TUB: variants seen among roughly 807,000 people sequenced by gnomAD.
TUB encodes the protein tubby protein homolog.
A neutral mutation model predicts 59.7 loss-of-function variants in TUB; 33 were observed. That is an observed-to-expected ratio of 0.55 (90% CI 0.42 to 0.74). The LOEUF (loss-of-function observed/expected upper bound fraction) is 0.74. TUB is among the 30% of genes least tolerant of loss of function. TUB has a pLI of 0.00. For missense variants in TUB, 659 were observed against 672.0 expected (o/e 0.98, Z 0.21); for synonymous variants, 293 against 256.4 (o/e 1.14, Z -1.36).
chr11:8,056,843 T>C (rs997064558), intron 2 of TUB, among the ~76,000 whole-genome samples: 1 of 152,000 alleles, frequency 6.6e-6, no homozygotes, highest in Non-Finnish European at 1.5e-5. Flanking sequence ...ACATGGTGTG[T>C]CTCAAGTAAG....
intron 2 of TUB, among the ~76,000 whole-genome samples, chr11:8,072,303 G>A (rs986334726): frequency 2.6e-5 from 4 of 152,098 alleles, no homozygotes; most frequent in African/African-American, 9.7e-5. Flanking sequence ...AGGGGGAAGG[G>A]ACCCTCTCCC....
rs1298306821 is a variant in TUB at position 8,084,144 on chromosome 11, G to A, written c.38+2596G>A. 2.0e-5 allele frequency among the ~76,000 whole-genome samples: 3 copies of A among 152,222 alleles called. No individual in the cohort carries two copies. In the East Asian group the frequency reaches 5.8e-4, roughly 29 times the overall value. On this transcript the variant is annotated intron_variant, in intron 1 of 11. Coordinates refer to ENST00000299506, the MANE Select transcript of TUB (RefSeq NM_177972.3). The stretch of plus-strand genomic sequence containing the variant: ...ATGTGGCATTTGGTTTGGGAGAGAG[G>A]GGTTGGCTGGCTTCTTGCTGGTTCT...
chr11:8,046,057 G>A (rs796250203), intron 2 of TUB, among the ~76,000 whole-genome samples: 5 of 152,190 alleles, frequency 3.3e-5, no homozygotes, highest in Middle Eastern at 3.4e-3. Context: ...ACAGGCCTCC[G>A]AAGCACATTT....
Position 8,097,712 on chromosome 11 carries a change from A to G in TUB, c.886-2A>G. On this transcript the variant is annotated splice_acceptor_variant, in intron 7 of 11. Transcript: ENST00000299506. LOFTEE classifies it high-confidence loss of function. ...GAATATGACCTCATTCCACTCCCCAAGGTGTTCCTCCTGGCGGGAAGGAAG... is the reference window on the plus strand; with the variant it reads ...GAATATGACCTCATTCCACTCCCCAGGGTGTTCCTCCTGGCGGGAAGGAAG... 6.2e-7 allele frequency: 1 copy of G among 1,612,018 alleles called. No individual in the cohort carries two copies. Among genetic ancestry groups the G allele is most frequent in the Non-Finnish European group, 8.5e-7 (1 of 1,178,406 alleles).
intron 8 of TUB, 83 bp from the exon 9 acceptor site, chr11:8,098,675 C>A (rs1315256702): frequency 1.0e-6 from 1 of 1,003,974 alleles, no homozygotes; most frequent in Admixed American, 2.0e-5. Flanking sequence ...GTTTTGCAGG[C>A]TCCTCATAGG....
At chr11:8,098,899 C>T (rs1329811061) in intron 9 of TUB, 24 bp downstream of exon 9, 1 of 1,539,648 alleles carries the variant, frequency 6.5e-7, no homozygotes, top group Non-Finnish European at 9.0e-7. Context: ...TCGGGGGTCT[C>T]TGATTTCCAA....
intron 2 of TUB, among the ~76,000 whole-genome samples, chr11:8,045,042 T>C (rs751703574): frequency 3.1e-4 from 47 of 152,182 alleles, no homozygotes; most frequent in Non-Finnish European, 5.1e-4. Flanking sequence ...TAGGTACAAC[T>C]GATTAAATCA....
chr11:8,035,887 G>A (rs1249723087), upstream of TUB: 5 of 152,320 alleles, frequency 3.3e-5, no homozygotes, highest in Non-Finnish European at 7.3e-5. Context: ...TTTGTGACAG[G>A]GAGGTGAGAC....
intron 1 of TUB, among the ~76,000 whole-genome samples, chr11:8,033,088 C>A (rs1450594040): frequency 6.6e-6 from 1 of 152,196 alleles, no homozygotes; most frequent in Admixed American, 6.5e-5. Context: ...CCAATATGAT[C>A]TGGGGGGGAA....
upstream of TUB, chr11:8,076,998 G>C (rs887819349): frequency 1.3e-5 from 2 of 152,180 alleles, no homozygotes; most frequent in Non-Finnish European, 2.9e-5. Flanking sequence ...GAATTACAGA[G>C]GGCTTTATCT....
intron 3 of TUB, among the ~76,000 whole-genome samples, chr11:8,092,713 G>C (rs1162245667): frequency 6.6e-6 from 1 of 152,174 alleles, no homozygotes; most frequent in East Asian, 1.9e-4. Context: ...TCTTTGTCCA[G>C]GTTCAAATGG....
intron 1 of TUB, among the ~76,000 whole-genome samples, chr11:8,026,148 A>T (rs1446161179): frequency 6.6e-6 from 1 of 152,010 alleles, no homozygotes; most frequent in Non-Finnish European, 1.5e-5. Context: ...CCCCATCTTT[A>T]AGTTGGATTG....
chr11:8,083,880 C>A (rs1943617183), intron 1 of TUB, among the ~76,000 whole-genome samples: 2 of 152,170 alleles, frequency 1.3e-5, no homozygotes, highest in South Asian at 4.1e-4. Flanking sequence ...AGTACTGGAA[C>A]TGGGGTGCAG....
At chr11:8,079,903 C>T (rs555482824), upstream of TUB, among the ~76,000 whole-genome samples, 1 of 152,264 alleles carries the variant, frequency 6.6e-6, no homozygotes, top group South Asian at 2.1e-4. Context: ...TGGTGCCTAC[C>T]TTCTAGGGTG....
At chr11:8,021,729 C>A (rs1342305048) in intron 1 of TUB, among the ~76,000 whole-genome samples, 1 of 151,910 alleles carries the variant, frequency 6.6e-6, no homozygotes, top group Middle Eastern at 3.4e-3. Context: ...TCCTGGCTAA[C>A]ACGGTGAAAC....
upstream of TUB, among the ~76,000 whole-genome samples, chr11:8,035,161 C>G (rs1208881379): frequency 6.6e-6 from 1 of 152,180 alleles, no homozygotes; most frequent in African/African-American, 2.4e-5. Context: ...AATGATATTT[C>G]AATATAGTAT....
intron 1 of TUB, among the ~76,000 whole-genome samples, chr11:8,020,321 A>C (rs548175920): frequency 1.3e-5 from 2 of 152,250 alleles, no homozygotes; most frequent in Admixed American, 1.3e-4. Flanking sequence ...CATCTCCGTG[A>C]AGTCCTGCTT....
chr11:8,090,152 C>A lies in TUB; in HGVS notation c.174C>A (p.Ser58Arg), dbSNP rs1463805707. 1.9e-6 allele frequency: 3 copies of A among 1,613,358 alleles called. No individual in the cohort carries two copies. Among genetic ancestry groups the A allele is most frequent in the Non-Finnish European group, 2.5e-6 (3 of 1,179,866 alleles). ...CCAATGCAGATGGGCGGCCCCGGAGCCGGCGGGCCCGGCAGTCAGAGGAAC... is the reference window on the plus strand; with the variant it reads ...CCAATGCAGATGGGCGGCCCCGGAGACGGCGGGCCCGGCAGTCAGAGGAAC... Reference protein sequence around the residue: ...VQANADGRPRSRRARQSEEQA... With the variant: ...VQANADGRPRRRRARQSEEQA... The change falls in exon 3 of 12, where the codon AGC (serine) becomes AGA (arginine). Residue 58 changes from serine (S) to arginine (R), a missense_variant. This residue lies in a region of TUB where 321 missense variants were observed against 304.3 expected (regional missense o/e 1.05). Transcript: ENST00000299506.
rs568002986 is a variant in TUB, at chr11:8,043,244, T to C, written c.203+3552T>C. Among the ~76,000 whole-genome samples the C allele has an allele frequency of 9.8e-5, 15 of 152,336 alleles. No homozygotes were observed. In the East Asian group the frequency reaches 2.9e-3, roughly 29 times the overall value. On this transcript the variant is annotated intron_variant, in intron 2 of 12. Coordinates refer to the TUB transcript ENST00000305253. ...CTGTTGTAAATCAGTTGACTGTAAATGTAAGTTTATTTCTGGGCTCTCAAT... is the reference window on the plus strand; with the variant it reads ...CTGTTGTAAATCAGTTGACTGTAAACGTAAGTTTATTTCTGGGCTCTCAAT...
Sources: allele counts gnomAD v4.1 joint callset (sites outside exome capture counted in the v4.1 genomes callset), GRCh38; gene constraint gnomAD v4.1.1; regional missense constraint gnomAD v4.1.1; transcripts MANE v1.5; gene names NCBI Gene and HGNC (gene_info 2026-07-23, HGNC 2026-07-21).